MIR2052HG: variants seen among roughly 807,000 people sequenced by gnomAD.
MIR2052HG encodes MIR2052 host gene.
chr8:74,694,201 C>T (rs1403694385), intron 2 of MIR2052HG, among the ~76,000 whole-genome samples: 4 of 152,166 alleles, frequency 2.6e-5, no homozygotes, highest in African/African-American at 9.7e-5. Flanking sequence ...GCAGACACTC[C>T]CCAGTACCAG....
At chr8:74,726,498 A>G (rs1809637807) in intron 4 of MIR2052HG, among the ~76,000 whole-genome samples, 1 of 152,208 alleles carries the variant, frequency 6.6e-6, no homozygotes, top group African/African-American at 2.4e-5. Context: ...AGAGAGGTCT[A>G]AAAAACATAC....
intron 4 of MIR2052HG, among the ~76,000 whole-genome samples, chr8:74,721,739 G>A (rs867232743): frequency 6.6e-6 from 1 of 152,202 alleles, no homozygotes; most frequent in Admixed American, 6.5e-5. Flanking sequence ...TTTGATCAGA[G>A]CAAGTCACAA....
At chr8:74,639,357 A>G (rs1378835076) in intron 2 of MIR2052HG, among the ~76,000 whole-genome samples, 1 of 152,154 alleles carries the variant, frequency 6.6e-6, no homozygotes, top group African/African-American at 2.4e-5. Flanking sequence ...CTGTCATTTT[A>G]TACACCTTAT....
chr8:74,736,920 T>C (rs1000689033), intron 4 of MIR2052HG, among the ~76,000 whole-genome samples: 6 of 152,218 alleles, frequency 3.9e-5, no homozygotes, highest in South Asian at 2.1e-4. Context: ...GGCAGGAGAA[T>C]AGGGTCTGCA....
At chr8:74,667,160 A>G (rs7815907) in intron 2 of MIR2052HG, among the ~76,000 whole-genome samples, 1 of 152,112 alleles carries the variant, frequency 6.6e-6, no homozygotes, top group Non-Finnish European at 1.5e-5. Context: ...GTCAAAGGGG[A>G]CAGGAGCTCA....
chr8:74,685,449 T>C (rs779358755), intron 2 of MIR2052HG, among the ~76,000 whole-genome samples: 6 of 152,170 alleles, frequency 3.9e-5, no homozygotes, highest in African/African-American at 7.2e-5. Context: ...TTTTGGCTTC[T>C]TGTAATTTTC....
chr8:74,664,253 T>A (rs1808897000), intron 2 of MIR2052HG, among the ~76,000 whole-genome samples: 1 of 151,302 alleles, frequency 6.6e-6, no homozygotes, highest in Non-Finnish European at 1.5e-5. Flanking sequence ...AAAAACTGCA[T>A]GTACCCCAAA....
At chr8:74,623,349 G>C (rs1808391300) in intron 2 of MIR2052HG, among the ~76,000 whole-genome samples, 1 of 152,102 alleles carries the variant, frequency 6.6e-6, no homozygotes, top group Non-Finnish European at 1.5e-5. Context: ...TACACGGAGG[G>C]AACATGTGCT....
chr8:74,623,720 T>A (rs1181849172), intron 2 of MIR2052HG, among the ~76,000 whole-genome samples: 1 of 152,208 alleles, frequency 6.6e-6, no homozygotes, highest in East Asian at 1.9e-4. Context: ...GTATTCAGTA[T>A]GACAAAGATG....
chr8:74,630,704 A>G (rs1808499183), intron 2 of MIR2052HG, among the ~76,000 whole-genome samples: 1 of 152,192 alleles, frequency 6.6e-6, no homozygotes, highest in Non-Finnish European at 1.5e-5. Flanking sequence ...TACGGATGGC[A>G]TAACATAGCA....
chr8:74,609,613 A>G (rs779635745), intron 1 of MIR2052HG: 2 of 151,646 alleles, frequency 1.3e-5, no homozygotes, highest in Non-Finnish European at 3.0e-5. Flanking sequence ...TGTATGATTT[A>G]TTCCAAGAAT....
At chr8:74,751,416 T>TA (rs1338145060) in intron 4 of MIR2052HG, among the ~76,000 whole-genome samples, 1 of 152,228 alleles carries the variant, frequency 6.6e-6, no homozygotes, top group Non-Finnish European at 1.5e-5. Context: ...AGGCATGACT[T>TA]ACAGTGTTGT....
At chr8:74,744,630 C>A (rs888887995) in intron 4 of MIR2052HG, among the ~76,000 whole-genome samples, 2 of 152,066 alleles carry the variant, frequency 1.3e-5, no homozygotes, top group African/African-American at 4.8e-5. Flanking sequence ...CCAATTTCAT[C>A]CATGTCCCTA....
At chr8:74,694,957 A>G (rs1449940083) in intron 2 of MIR2052HG, among the ~76,000 whole-genome samples, 3 of 152,212 alleles carry the variant, frequency 2.0e-5, no homozygotes, top group Non-Finnish European at 4.4e-5. Flanking sequence ...GGACATCCAA[A>G]TAGAAGAAGC....
chr8:74,681,262 A>G lies in MIR2052HG; in HGVS notation n.217-21117A>G, dbSNP rs138273134. 6.0e-3 allele frequency among the ~76,000 whole-genome samples: 907 copies of G among 152,220 alleles called. 11 individuals carry two copies. The highest frequency in any genetic ancestry group is 0.02 in the African/African-American group (836 of 41,556). Reference sequence around the variant, plus strand: ...TCACCAAGGCATAAATTTTCTGCAAATTGATCTTTAAATACAATGCAATTC... The same window carrying G: ...TCACCAAGGCATAAATTTTCTGCAAGTTGATCTTTAAATACAATGCAATTC... On this transcript the variant is annotated intron_variant and non_coding_transcript_variant, in intron 2 of 6. Transcript: ENST00000523442.
intron 4 of MIR2052HG, among the ~76,000 whole-genome samples, chr8:74,741,760 C>G (rs372467404): frequency 2.6e-5 from 4 of 152,248 alleles, no homozygotes; most frequent in Middle Eastern, 3.4e-3. Context: ...CAGCCTCTTG[C>G]ACTTAGGAAC....
intron 4 of MIR2052HG, among the ~76,000 whole-genome samples, chr8:74,707,406 C>G (rs1038957131): frequency 6.6e-6 from 1 of 152,116 alleles, no homozygotes; most frequent in African/African-American, 2.4e-5. Context: ...AGGATAGTAT[C>G]GATATGGTAG....
intron 4 of MIR2052HG, among the ~76,000 whole-genome samples, chr8:74,721,834 A>T (rs1343454436): frequency 6.6e-6 from 1 of 152,160 alleles, no homozygotes; most frequent in Non-Finnish European, 1.5e-5. Context: ...CATGAAGGGG[A>T]GGAATTGTAG....
intron 1 of MIR2052HG, among the ~76,000 whole-genome samples, chr8:74,605,722 T>A (rs1563509792): frequency 6.6e-6 from 1 of 152,180 alleles, no homozygotes; most frequent in Non-Finnish European, 1.5e-5. Context: ...TTTTTGATAG[T>A]CAAATAATTC....
Sources: allele counts gnomAD v4.1 joint callset (sites outside exome capture counted in the v4.1 genomes callset), GRCh38; gene constraint gnomAD v4.1.1; transcripts MANE v1.5; gene names NCBI Gene and HGNC (gene_info 2026-07-23, HGNC 2026-07-21).